Variants in FRY observed in about 807,000 individuals in gnomAD.
The protein encoded by FRY is FRY microtubule binding protein, also known as protein furry homolog.
FRY carries 128 observed loss-of-function variants against 348.4 expected under a neutral mutation model. That is an observed-to-expected ratio of 0.37 (90% CI 0.32 to 0.43). The LOEUF (loss-of-function observed/expected upper bound fraction) is 0.43. Among genes scored for constraint, FRY ranks in the 20% least tolerant of loss-of-function variants. FRY has a pLI of 1.00. For missense variants in FRY, 2,736 were observed against 3,695.2 expected, an observed-to-expected ratio of 0.74 and a Z score of 6.73; for synonymous variants, 1,370 against 1,374.7, an observed-to-expected ratio of 1.00 and a Z score of 0.08.
In FRY at chr13:32,254,395, G is replaced by A; in HGVS notation, c.7416+1G>A. 6.2e-7 allele frequency: 1 copy of A among 1,613,034 alleles called. No individual in the cohort carries two copies. Among genetic ancestry groups the A allele is most frequent in the Non-Finnish European group, 8.5e-7 (1 of 1,179,040 alleles). ...AGATGTGGAGCTGGAGGATGGAGAG[G>A]TACGGTGTATTCTCTGTAAAAATAA... On this transcript the variant is annotated splice_donor_variant, in intron 51 of 60. Coordinates refer to ENST00000542859, the MANE Select transcript of FRY (RefSeq NM_023037.3). LOFTEE classifies it high-confidence loss of function.
chr13:32,188,424 G>T (rs571769304), intron 28 of FRY, among the ~76,000 whole-genome samples: 19 of 152,222 alleles, frequency 1.2e-4, no homozygotes, highest in Admixed American at 5.2e-4. Context: ...GATGCCTAAT[G>T]ATTCCCCATC....
chr13:32,182,024 G>C (rs1882746983), intron 23 of FRY, among the ~76,000 whole-genome samples: 1 of 152,136 alleles, frequency 6.6e-6, no homozygotes, highest in African/African-American at 2.4e-5. Flanking sequence ...CAGGCTTTCT[G>C]TCTCTCGATA....
At chr13:32,240,463 A>C (rs1326301187) in intron 46 of FRY, among the ~76,000 whole-genome samples, 1 of 152,188 alleles carries the variant, frequency 6.6e-6, no homozygotes, top group African/African-American at 2.4e-5. Context: ...ATACATTCTG[A>C]AATAAACTTT....
At chr13:32,153,752 C>G (rs961797318) in intron 14 of FRY, among the ~76,000 whole-genome samples, 6 of 152,104 alleles carry the variant, frequency 3.9e-5, no homozygotes, top group Admixed American at 3.3e-4. Flanking sequence ...TATTTGCCAG[C>G]AGCAGCTTTT....
chr13:32,096,439 G>T (rs1566068341), intron 2 of FRY, among the ~76,000 whole-genome samples: 1 of 151,468 alleles, frequency 6.6e-6, no homozygotes, highest in Non-Finnish European at 1.5e-5. Flanking sequence ...GAAAACTGCG[G>T]GGGGGGGCTT....
In FRY at chr13:32,262,399, C is replaced by A. The variant is rs1479598202; in HGVS notation, c.7703C>A (p.Ser2568Tyr). 3.1e-6 allele frequency: 5 copies of A among 1,613,262 alleles called. No homozygotes were observed. In the South Asian group the frequency reaches 5.5e-5, roughly 18 times the overall value. Residue 2568 changes from serine to tyrosine, a missense_variant, in exon 53 of 61, where the codon TCC becomes TAC. By Grantham distance (144) the Ser-to-Tyr change is moderately radical. Coordinates refer to ENST00000542859, the MANE Select transcript of FRY (RefSeq NM_023037.3). ...ACDSTPAEPH[S>Y]FNTRMSSFDA... ...GACTCGACCCCTGCAGAACCTCATT[C>A]CTTTAACACCAGAATGTCCAGCTTT... is the stretch of plus-strand genomic sequence containing the variant.
intron 29 of FRY, among the ~76,000 whole-genome samples, chr13:32,195,419 G>A (rs577097276): frequency 6.6e-6 from 1 of 151,992 alleles, no homozygotes; most frequent in Non-Finnish European, 1.5e-5. Flanking sequence ...TAAATTTTCA[G>A]ATATTTCAAC....
intron 58 of FRY, among the ~76,000 whole-genome samples, chr13:32,280,631 G>T (rs572416548): frequency 9.2e-5 from 14 of 152,156 alleles, no homozygotes; most frequent in Non-Finnish European, 1.6e-4. Context: ...AGTATAGTTT[G>T]TATAGTAGTA....
At chr13:32,194,366 G>A (rs927377849) in intron 29 of FRY, 69 bp downstream of exon 29, 28 of 1,419,214 alleles carry the variant, frequency 2.0e-5, no homozygotes, top group African/African-American at 1.3e-4. Context: ...TATGAATGAC[G>A]GAGAGCTGTT....
At chr13:32,061,650 T>C (rs1432139198) in intron 1 of FRY, among the ~76,000 whole-genome samples, 2 of 152,246 alleles carry the variant, frequency 1.3e-5, no homozygotes, top group Non-Finnish European at 2.9e-5. Context: ...TTTTTCTTCA[T>C]TTTTGGCTTA....
At chr13:32,045,363 C>T (rs1872967198) in intron 1 of FRY, among the ~76,000 whole-genome samples, 1 of 152,174 alleles carries the variant, frequency 6.6e-6, no homozygotes, top group African/African-American at 2.4e-5. Flanking sequence ...TCTGCATCAC[C>T]TCCCATCTGG....
chr13:32,228,815 GAT>G (rs1235030325), intron 40 of FRY, among the ~76,000 whole-genome samples, 161 bp downstream of exon 40: 3 of 152,204 alleles, frequency 2.0e-5, no homozygotes, highest in African/African-American at 7.2e-5. Context: ...CAGACACTGA[GAT>G]ACAGAGAATT....
intron 23 of FRY, among the ~76,000 whole-genome samples, chr13:32,180,382 G>A (rs536717603): frequency 8.5e-5 from 13 of 152,180 alleles, no homozygotes; most frequent in South Asian, 4.2e-4. Context: ...CTACAGACCC[G>A]CGCCACCACA....
chr13:32,114,458 A>G (rs567238782), intron 3 of FRY, among the ~76,000 whole-genome samples: 41 of 152,278 alleles, frequency 2.7e-4, no homozygotes, highest in African/African-American at 8.9e-4. Flanking sequence ...TTCCATGCAC[A>G]TTATTGTTAA....
intron 29 of FRY, among the ~76,000 whole-genome samples, chr13:32,194,523 T>C (rs1467427321): frequency 6.6e-6 from 1 of 152,240 alleles, no homozygotes; most frequent in Non-Finnish European, 1.5e-5. Flanking sequence ...TACCTTTCTT[T>C]TTAATTGCCT....
intron 59 of FRY, among the ~76,000 whole-genome samples, chr13:32,293,978 A>G (rs1486419648): frequency 6.6e-6 from 1 of 152,246 alleles, no homozygotes; most frequent in Admixed American, 6.5e-5. Context: ...ACCGAGGCAC[A>G]TAAAAGTCAG....
rs542432415 is a variant in FRY, at chr13:32,225,071, G to A, written c.5020+35G>A. ...GATCTAAAAGGCATTCTAGCCAATC[G>A]GGTTAAAAATATACAGAAGTAATCC... On this transcript the variant is annotated intron_variant, in intron 38 of 60. Coordinates refer to ENST00000542859, the MANE Select transcript of FRY (RefSeq NM_023037.3). 4.5e-5 allele frequency: 53 copies of A among 1,190,034 alleles called. No individual in the cohort carries two copies. The East Asian group carries it at 5.1e-4, about 11-fold the overall frequency. The allele number at this position is 1,190,034 out of a possible 1,614,324, so 73.7% of individuals were successfully genotyped here.
intron 58 of FRY, 85 bp from the exon 59 acceptor site, chr13:32,289,548 A>AG: frequency 1.2e-6 from 1 of 802,612 alleles, no homozygotes; most frequent in Non-Finnish European, 2.2e-6. Flanking sequence ...TTAAAAAAAA[A>AG]GTTTGTCTCC....
At chr13:32,244,258 A>G in intron 47 of FRY, 76 bp downstream of exon 47, 1 of 1,351,198 alleles carries the variant, frequency 7.4e-7, no homozygotes, top group Non-Finnish European at 1.1e-6. Context: ...CTTGGCTACA[A>G]AACCATCTGG....
Sources: gnomAD v4.1 joint callset for allele counts (sites outside exome capture counted in the v4.1 genomes callset) on GRCh38, gnomAD v4.1.1 for gene constraint, MANE v1.5 for transcripts, NCBI Gene and HGNC (gene_info 2026-07-23, HGNC 2026-07-21) for gene names.